Variants in ERBB4 observed in about 807,000 individuals in gnomAD.
ERBB4 encodes the protein erb-b2 receptor tyrosine kinase 4.
Under a neutral mutation model 158.0 loss-of-function variants are expected in ERBB4, and 42 were observed. The ratio of observed to expected loss-of-function variants is 0.27; its 90% CI spans 0.21 to 0.34. ERBB4 has a LOEUF of 0.34. Among genes scored for constraint, ERBB4 ranks in the 10% least tolerant of loss-of-function variants. The probability of loss-of-function intolerance (pLI) is 1.00; values close to 1 mark genes in which losing one functional copy is unlikely to be tolerated. For missense variants in ERBB4, 1,333 were observed against 1,624.1 expected, an observed-to-expected ratio of 0.82 and a Z score of 3.08; for synonymous variants, 583 against 558.7, an observed-to-expected ratio of 1.04 and a Z score of -0.61.
chr2:212,477,372 C>T (rs181340911), intron 1 of ERBB4, among the ~76,000 whole-genome samples: 19 of 152,104 alleles, frequency 1.2e-4, no homozygotes, highest in East Asian at 5.8e-4. Context: ...ATAAGGAATG[C>T]GAAAGGAACC....
intron 5 of ERBB4, among the ~76,000 whole-genome samples, chr2:211,739,172 C>T (rs756425520): frequency 9.9e-5 from 15 of 151,946 alleles, no homozygotes; most frequent in Non-Finnish European, 2.1e-4. Flanking sequence ...CATCTTATGC[C>T]TTTTGTTTTA....
chr2:212,320,685 A>T (rs2087528508), intron 1 of ERBB4, among the ~76,000 whole-genome samples: 2 of 149,942 alleles, frequency 1.3e-5, no homozygotes, highest in Non-Finnish European at 3.0e-5. Flanking sequence ...AAAAAAAACA[A>T]AGAAGCTATC....
Position 211,438,119 on chromosome 2 carries a change from A to G in ERBB4, c.2488-7019T>C, listed in dbSNP as rs894661207. 5.9e-5 allele frequency among the ~76,000 whole-genome samples: 9 copies of G among 152,306 alleles called. No homozygotes were observed. The East Asian group carries it at 1.7e-3, about 29-fold the overall frequency. ...GTGTTGTGAAACAGAAGTTTTGGAC[A>G]TATTGTTAACTAGGTTTATGACCAC... On this transcript the variant is annotated intron_variant, in intron 20 of 27. Coordinates refer to ENST00000342788, the MANE Select transcript of ERBB4 (RefSeq NM_005235.3).
chr2:211,684,335 C>G (rs1286912114), intron 12 of ERBB4, among the ~76,000 whole-genome samples: 1 of 152,148 alleles, frequency 6.6e-6, no homozygotes, highest in African/African-American at 2.4e-5. Context: ...CCTCTAATCC[C>G]AGTTACTCAG....
intron 1 of ERBB4, among the ~76,000 whole-genome samples, chr2:212,484,400 T>A (rs1575006728): frequency 6.6e-6 from 1 of 151,484 alleles, no homozygotes; most frequent in Admixed American, 6.6e-5. Context: ...CTAGAAAAAA[T>A]AGAACATTTA....
At chr2:212,313,076 T>A (rs1279318056) in intron 1 of ERBB4, among the ~76,000 whole-genome samples, 1 of 150,828 alleles carries the variant, frequency 6.6e-6, no homozygotes, top group Admixed American at 6.6e-5. Context: ...TGTAGACAAT[T>A]TAGAAATTAA....
At position 212,538,754 on chromosome 2, in the gene ERBB4, G is replaced by T; in HGVS notation, c.-224C>A. 1 of 394,214 alleles carries T rather than the reference G, an allele frequency of 2.5e-6. No individual in the cohort carries two copies. The highest frequency in any genetic ancestry group is 4.4e-6 in the Non-Finnish European group (1 of 227,482). 24.4% of individuals were successfully genotyped at this position (394,214 alleles called of 1,614,324 possible). A position where few individuals can be genotyped will look rare whatever the true frequency, so the allele number is the denominator to read the frequency against. On this transcript the variant is annotated 5_prime_UTR_variant, in exon 1 of 28. Coordinates refer to ENST00000342788, the MANE Select transcript of ERBB4 (RefSeq NM_005235.3). ...GGCGAGTGTGAGCGCGTGTGTGCGC[G>T]TGTGGGAGTGTGCTCGGTGTGTGCG...
intron 1 of ERBB4, among the ~76,000 whole-genome samples, chr2:212,268,331 C>T (rs1334079990): frequency 6.6e-6 from 1 of 151,724 alleles, no homozygotes; most frequent in Non-Finnish European, 1.5e-5. Context: ...TGGAATAGCA[C>T]AAAAATCAAG....
intron 1 of ERBB4, among the ~76,000 whole-genome samples, chr2:212,467,690 A>G (rs1247741811): frequency 2.0e-5 from 3 of 152,234 alleles, no homozygotes; most frequent in Non-Finnish European, 4.4e-5. Context: ...GCAATGCAGA[A>G]GGGAAATGTG....
intron 1 of ERBB4, among the ~76,000 whole-genome samples, chr2:212,283,079 A>T (rs574088843): frequency 6.6e-6 from 1 of 152,042 alleles, no homozygotes; most frequent in African/African-American, 2.4e-5. Context: ...ATTTCATTAA[A>T]GAATAAAGCA....
At chr2:212,525,168 A>G (rs1692381935) in intron 1 of ERBB4, among the ~76,000 whole-genome samples, 1 of 152,070 alleles carries the variant, frequency 6.6e-6, no homozygotes, top group African/African-American at 2.4e-5. Flanking sequence ...TGAAAACGTC[A>G]AAAAGAGGCT....
At chr2:212,096,882 C>T (rs2078947909) in intron 2 of ERBB4, among the ~76,000 whole-genome samples, 1 of 152,040 alleles carries the variant, frequency 6.6e-6, no homozygotes, top group African/African-American at 2.4e-5. Flanking sequence ...ACCCTTTTGC[C>T]TACCTCTCTC....
chr2:211,395,656 C>T lies in ERBB4; in HGVS notation c.3136-7664G>A, dbSNP rs1052124327. Among the ~76,000 whole-genome samples, 9 of 151,910 alleles carry T rather than the reference C, an allele frequency of 5.9e-5. No individual in the cohort carries two copies. In the South Asian group the frequency reaches 8.3e-4, roughly 14 times the overall value. On this transcript the variant is annotated intron_variant, in intron 25 of 27. Transcript: ENST00000342788. ...TTTTGTTATTGAATAGGCTATAAGA[C>T]GTTTATTAGACAAATGGGATAATTA...
At chr2:212,029,016 G>A (rs1402717) in intron 2 of ERBB4, among the ~76,000 whole-genome samples, 2 of 151,950 alleles carry the variant, frequency 1.3e-5, no homozygotes, top group African/African-American at 4.8e-5. Flanking sequence ...ACCAGTGCAC[G>A]ATGTAAGTTT....
At chr2:211,615,059 C>T (rs376094492) in intron 19 of ERBB4, among the ~76,000 whole-genome samples, 9 of 152,024 alleles carry the variant, frequency 5.9e-5, no homozygotes, top group African/African-American at 1.2e-4. Context: ...AAAATTCATG[C>T]GAATGCAAAG....
intron 1 of ERBB4, among the ~76,000 whole-genome samples, chr2:212,340,080 G>C (rs2088632532): frequency 6.7e-6 from 1 of 149,930 alleles, no homozygotes; most frequent in Non-Finnish European, 1.5e-5. Flanking sequence ...TCTCACTCTG[G>C]GCTGAAGTGC....
chr2:211,465,361 T>C (rs143603632), intron 20 of ERBB4, among the ~76,000 whole-genome samples: 2 of 152,228 alleles, frequency 1.3e-5, no homozygotes, highest in Non-Finnish European at 2.9e-5. Context: ...AAATAATAAA[T>C]TACTGTTTTA....
intron 1 of ERBB4, among the ~76,000 whole-genome samples, chr2:212,409,934 C>T (rs778803980): frequency 9.9e-5 from 15 of 151,852 alleles, no homozygotes; most frequent in South Asian, 4.1e-4. Flanking sequence ...AATCTAAATT[C>T]GTGTATTCTA....
intron 9 of ERBB4, 47 bp from the exon 10 acceptor site, chr2:211,705,438 G>T: frequency 8.4e-7 from 1 of 1,197,444 alleles, no homozygotes; most frequent in Non-Finnish European, 1.2e-6. Context: ...TTTACTAAAG[G>T]ATTGAAAATA....
Sources: allele counts gnomAD v4.1 joint callset (sites outside exome capture counted in the v4.1 genomes callset), GRCh38; gene constraint gnomAD v4.1.1; transcripts MANE v1.5; gene names NCBI Gene and HGNC (gene_info 2026-07-23, HGNC 2026-07-21).